SYNPR: variants seen among roughly 807,000 people sequenced by gnomAD.
SYNPR encodes synaptoporin.
In SYNPR, 23 loss-of-function variants were observed where a neutral mutation model predicts 32.9. The observed-to-expected ratio is 0.70, with a 90% CI of 0.50 to 0.99. The LOEUF (loss-of-function observed/expected upper bound fraction) is 0.99, where lower values mean the gene tolerates loss of function less well. Ranked by LOEUF, SYNPR falls within the 50% of genes least tolerant of loss-of-function variation. SYNPR has a pLI of 0.00. For synonymous variants in SYNPR, 146 were observed against 135.9 expected (o/e 1.07, Z -0.52); for missense variants, 318 against 349.3 (o/e 0.91, Z 0.71).
intron 2 of SYNPR, among the ~76,000 whole-genome samples, chr3:63,337,223 C>A (rs1303145658): frequency 2.0e-5 from 2 of 100,188 alleles, no homozygotes; most frequent in Non-Finnish European, 3.6e-5. Flanking sequence ...CAGAGTGAGA[C>A]TCTGTCTCCA....
At chr3:63,503,586 A>G (rs549489910) in intron 3 of SYNPR, among the ~76,000 whole-genome samples, 46 of 152,184 alleles carry the variant, frequency 3.0e-4, no homozygotes, top group African/African-American at 1.1e-3. Flanking sequence ...TATTTTCTCC[A>G]ATTATTGTTT....
chr3:63,404,696 G>A (rs3856943), intron 2 of SYNPR, among the ~76,000 whole-genome samples: 86,729 of 151,924 alleles, frequency 0.57, 26,588 homozygotes, highest in African/African-American at 0.82. Flanking sequence ...TTATTTTCAA[G>A]TAAAAATCAT....
chr3:63,495,379 T>C (rs1701351350), intron 3 of SYNPR, among the ~76,000 whole-genome samples: 1 of 152,188 alleles, frequency 6.6e-6, no homozygotes, highest in Non-Finnish European at 1.5e-5. Flanking sequence ...TGAACATCTT[T>C]GATTGCAATG....
At chr3:63,221,955 A>G in the SYNPR span, among the ~76,000 whole-genome samples, 1 of 147,998 alleles carries the variant, frequency 6.8e-6, no homozygotes, top group African/African-American at 2.5e-5. Context: ...AGTTGTAGCA[A>G]TCAAAGCAGC....
intron 2 of SYNPR, among the ~76,000 whole-genome samples, chr3:63,411,328 T>C (rs2088462068): frequency 1.3e-5 from 2 of 152,220 alleles, no homozygotes; most frequent in Non-Finnish European, 2.9e-5. Flanking sequence ...TCCTCTTAGA[T>C]CTGTTTGTGC....
At chr3:63,229,146 G>C (rs1302142025) in intron 1 of SYNPR, among the ~76,000 whole-genome samples, 2 of 151,954 alleles carry the variant, frequency 1.3e-5, no homozygotes, top group African/African-American at 2.4e-5. Flanking sequence ...TATAGCCTTG[G>C]GCAAAAAACT....
At chr3:63,586,173 A>G (rs1007874198) in intron 4 of SYNPR, among the ~76,000 whole-genome samples, 1 of 152,068 alleles carries the variant, frequency 6.6e-6, no homozygotes, top group African/African-American at 2.4e-5. Context: ...GGGTTGATAT[A>G]TGACAGAATA....
intron 2 of SYNPR, among the ~76,000 whole-genome samples, chr3:63,376,436 T>C (rs2087896272): frequency 6.6e-6 from 1 of 152,184 alleles, no homozygotes; most frequent in Admixed American, 6.5e-5. Context: ...TCGTATATGA[T>C]AAGACTGCTT....
chr3:63,278,674 A>G lies in SYNPR; in HGVS notation c.19-3A>G, dbSNP rs1264573794. On this transcript the variant is annotated splice_polypyrimidine_tract_variant and splice_region_variant and intron_variant, in intron 1 of 5. Transcript: ENST00000478300. ...TTCTCTCTCTCGCCTCATTCCCCCA[A>G]AGCTGGCCTCTGCGGGCACCTTCCG... The G allele has an allele frequency of 1.3e-6, 2 of 1,551,578 alleles. No homozygotes were observed. Among genetic ancestry groups the G allele is most frequent in the Non-Finnish European group, 8.7e-7 (1 of 1,146,954 alleles).
chr3:63,539,069 A>AG (rs1276816237), intron 3 of SYNPR, among the ~76,000 whole-genome samples: 6 of 152,130 alleles, frequency 3.9e-5, no homozygotes, highest in Non-Finnish European at 8.8e-5. Flanking sequence ...AAGGAAGCAA[A>AG]GGCCCTTTCT....
intron 3 of SYNPR, among the ~76,000 whole-genome samples, chr3:63,499,054 T>A (rs550564496): frequency 7.3e-5 from 11 of 150,822 alleles, no homozygotes; most frequent in Non-Finnish European, 1.3e-4. Context: ...TGAAAAAAAA[T>A]TTTTTCTGGT....
At chr3:63,244,265 T>G (rs1047913388) in intron 1 of SYNPR, among the ~76,000 whole-genome samples, 1 of 152,046 alleles carries the variant, frequency 6.6e-6, no homozygotes, top group Non-Finnish European at 1.5e-5. Context: ...GGGGTAGATA[T>G]GCTGGATCTT....
intron 4 of SYNPR, among the ~76,000 whole-genome samples, chr3:63,586,337 A>G (rs1703184392): frequency 6.6e-6 from 1 of 152,016 alleles, no homozygotes; most frequent in Non-Finnish European, 1.5e-5. Context: ...CCTTCCCCCA[A>G]ACAGAAAATT....
intron 2 of SYNPR, among the ~76,000 whole-genome samples, chr3:63,306,080 C>T (rs1395221918): frequency 6.6e-6 from 1 of 151,968 alleles, no homozygotes; most frequent in African/African-American, 2.4e-5. Flanking sequence ...TCCATTAACC[C>T]GAGAGCCTTT....
intron 2 of SYNPR, among the ~76,000 whole-genome samples, chr3:63,371,648 C>A (rs142814651): frequency 1.3e-5 from 2 of 152,356 alleles, no homozygotes; most frequent in African/African-American, 4.8e-5. Flanking sequence ...GATACAGCTC[C>A]CCAGTGCAGC....
chr3:63,429,442 A>G (rs1337763635), intron 2 of SYNPR, among the ~76,000 whole-genome samples: 1 of 152,212 alleles, frequency 6.6e-6, no homozygotes, highest in Non-Finnish European at 1.5e-5. Context: ...GCGTATTACC[A>G]GGACTGGCAC....
intron 2 of SYNPR, among the ~76,000 whole-genome samples, chr3:63,303,879 G>C (rs1468449323): frequency 6.6e-6 from 1 of 151,974 alleles, no homozygotes; most frequent in Non-Finnish European, 1.5e-5. Flanking sequence ...AGAGCGGAAT[G>C]GTCCTTTTGA....
chr3:63,524,853 ATGTGTGTGTG>A (rs764949799), intron 3 of SYNPR, among the ~76,000 whole-genome samples: 2 of 66,272 alleles, frequency 3.0e-5, no homozygotes, highest in Non-Finnish European at 7.6e-5. Context: ...GTGTGTGTGC[ATGTGTGTGTG>A]TGTGTGTGAG....
At chr3:63,253,040 GA>G (rs200342050) in intron 2 of SYNPR, among the ~76,000 whole-genome samples, 77,375 of 123,906 alleles carry the variant, frequency 0.62, 22,571 homozygotes, top group Middle Eastern at 0.74. Flanking sequence ...CTCTGTCTCA[GA>G]AAAAAAAAAA....
Sources: allele counts gnomAD v4.1 joint callset (sites outside exome capture counted in the v4.1 genomes callset), GRCh38; gene constraint gnomAD v4.1.1; transcripts MANE v1.5; gene names NCBI Gene and HGNC (gene_info 2026-07-23, HGNC 2026-07-21).